The following MTPN variants were observed in gnomAD, a reference collection of about 807,000 sequenced individuals.
MTPN encodes granule cell differentiation protein.
In MTPN, 2 loss-of-function variants were observed where a neutral mutation model predicts 13.5. That is an observed-to-expected ratio of 0.15 (90% CI 0.06 to 0.47). The LOEUF (loss-of-function observed/expected upper bound fraction) is 0.47, where lower values mean the gene tolerates loss of function less well. Among genes scored for constraint, MTPN ranks in the 20% least tolerant of loss-of-function variants. MTPN has a pLI of 0.97. For synonymous variants in MTPN, 46 were observed against 51.7 expected (o/e 0.89, Z 0.48); for missense variants, 79 against 137.9 (o/e 0.57, Z 2.14).
At chr7:135,952,778 A>G (rs1584813002) in intron 1 of MTPN, among the ~76,000 whole-genome samples, 1 of 152,280 alleles carries the variant, frequency 6.6e-6, no homozygotes, top group African/African-American at 2.4e-5. Flanking sequence ...CCTGGGAAAC[A>G]TGGCAAAACC....
At chr7:135,969,091 G>GGA in intron 1 of MTPN, among the ~76,000 whole-genome samples, 1 of 110,266 alleles carries the variant, frequency 9.1e-6, no homozygotes, top group South Asian at 3.5e-4. Flanking sequence ...TGTGGGGTGG[G>GGA]GGGGGGGGAG....
chr7:135,933,705 A>G (rs1799065929), intron 3 of MTPN, among the ~76,000 whole-genome samples: 1 of 152,196 alleles, frequency 6.6e-6, no homozygotes, highest in East Asian at 1.9e-4. Flanking sequence ...AGAAGGTAAC[A>G]CTTACAGTAA....
At position 135,977,358 on chromosome 7, in the gene MTPN, T is replaced by C. The variant is rs1056435123; in HGVS notation, c.-258A>G. ...CGAGGAGAGGCAGGAACCTTTACAC[T>C]TCCGGTTCACTCCCCGCTAGGACCC... On this transcript the variant is annotated 5_prime_UTR_variant, in exon 1 of 4. Transcript: ENST00000393085. 1.5e-5 allele frequency: 8 copies of C among 525,316 alleles called. No homozygotes were observed. The highest frequency in any genetic ancestry group is 2.8e-5 in the Non-Finnish European group (8 of 289,958). The allele number at this position is 525,316 out of a possible 1,614,324, so 32.5% of individuals were successfully genotyped here. A position where few individuals can be genotyped will look rare whatever the true frequency, so the allele number is the denominator to read the frequency against.
chr7:135,966,772 G>A (rs1288571208), intron 1 of MTPN, among the ~76,000 whole-genome samples: 1 of 152,152 alleles, frequency 6.6e-6, no homozygotes, highest in Non-Finnish European at 1.5e-5. Context: ...TTTCCTGTGT[G>A]GGCAAGAGAA....
chr7:135,953,457 A>G (rs1799395035), intron 1 of MTPN, among the ~76,000 whole-genome samples: 2 of 152,170 alleles, frequency 1.3e-5, no homozygotes, highest in African/African-American at 4.8e-5. Flanking sequence ...CTTACTTTCT[A>G]TGTGCAGAGA....
In MTPN at chr7:135,967,964, T is replaced by C. The variant is rs536116246; in HGVS notation, c.72+9065A>G. On this transcript the variant is annotated intron_variant, in intron 1 of 3. Transcript: ENST00000393085. ...TTTAAAGTGTTTACTACCTACAATT[T>C]TTTTGTGGTTGAGATGGAAGTCTTG... Among the ~76,000 whole-genome samples, 11 of 152,238 alleles carry C rather than the reference T, an allele frequency of 7.2e-5. No individual in the cohort carries two copies. The East Asian group carries it at 1.9e-3, about 27-fold the overall frequency.
chr7:135,956,756 T>G (rs983318757), intron 1 of MTPN, among the ~76,000 whole-genome samples: 1 of 152,224 alleles, frequency 6.6e-6, no homozygotes, highest in South Asian at 2.1e-4. Flanking sequence ...CAACCTTTCC[T>G]GTTTTATTGG....
chr7:135,977,005 C>A (rs369597412), intron 1 of MTPN, 24 bp downstream of exon 1: 30 of 1,612,712 alleles, frequency 1.9e-5, no homozygotes, highest in Non-Finnish European at 2.5e-5. Context: ...CGTGTTCTCG[C>A]CTACTCTTCT....
intron 1 of MTPN, among the ~76,000 whole-genome samples, chr7:135,953,079 AT>A (rs1232174247): frequency 6.6e-6 from 1 of 152,090 alleles, no homozygotes; most frequent in Non-Finnish European, 1.5e-5. Context: ...ACTATAAACC[AT>A]TCTTTCAAAC....
intron 3 of MTPN, among the ~76,000 whole-genome samples, chr7:135,945,833 TG>T (rs1390770004): frequency 6.6e-6 from 1 of 152,210 alleles, no homozygotes; most frequent in Non-Finnish European, 1.5e-5. Context: ...GAGGTAGGTT[TG>T]TTTACACCAG....
At chr7:135,957,007 T>C (rs1030246215) in intron 1 of MTPN, among the ~76,000 whole-genome samples, 6 of 152,230 alleles carry the variant, frequency 3.9e-5, no homozygotes, top group Non-Finnish European at 8.8e-5. Flanking sequence ...AGGGTCTCCA[T>C]GTTGCAAATA....
chr7:135,973,892 T>C (rs1562938445), intron 1 of MTPN, among the ~76,000 whole-genome samples: 1 of 152,206 alleles, frequency 6.6e-6, no homozygotes. Context: ...GAAAGATGCC[T>C]AGTAAAAATG....
At chr7:135,941,977 G>A (rs1026394947) in intron 3 of MTPN, among the ~76,000 whole-genome samples, 1 of 150,264 alleles carries the variant, frequency 6.7e-6, no homozygotes, top group Non-Finnish European at 1.5e-5. Flanking sequence ...TCCACCTCCC[G>A]GGTTCAAGCT....
intron 1 of MTPN, among the ~76,000 whole-genome samples, chr7:135,969,902 C>T (rs577900768): frequency 2.9e-4 from 44 of 152,208 alleles, no homozygotes; most frequent in African/African-American, 1.0e-3. Context: ...TTCACCTATC[C>T]AAATGGCAAA....
At chr7:135,959,841 G>GT (rs1006703949) in intron 1 of MTPN, among the ~76,000 whole-genome samples, 5 of 151,058 alleles carry the variant, frequency 3.3e-5, no homozygotes, top group Admixed American at 6.6e-5. Context: ...TGGAACATCT[G>GT]TTTTTTTAAG....
intron 3 of MTPN, among the ~76,000 whole-genome samples, chr7:135,946,399 T>C (rs71539482): frequency 0.012 from 1,776 of 152,324 alleles, 17 homozygotes; most frequent in African/African-American, 0.021. Flanking sequence ...GGAAGCATCA[T>C]CTTACCACTG....
intron 3 of MTPN, among the ~76,000 whole-genome samples, chr7:135,931,873 G>T (rs1394093385): frequency 6.6e-6 from 1 of 151,904 alleles, no homozygotes; most frequent in Admixed American, 6.6e-5. Flanking sequence ...ATATATAGAT[G>T]GGGTATGTGA....
At chr7:135,943,905 G>A (rs1799249237) in intron 3 of MTPN, among the ~76,000 whole-genome samples, 1 of 152,160 alleles carries the variant, frequency 6.6e-6, no homozygotes, top group Non-Finnish European at 1.5e-5. Flanking sequence ...TAAGTATGCT[G>A]TCAGATTATT....
intron 3 of MTPN, among the ~76,000 whole-genome samples, chr7:135,938,535 G>C (rs1355007480): frequency 6.6e-6 from 1 of 152,206 alleles, no homozygotes; most frequent in Admixed American, 6.5e-5. Flanking sequence ...ATGTTGATTT[G>C]AACTGACAGG....
Sources: allele counts gnomAD v4.1 joint callset (sites outside exome capture counted in the v4.1 genomes callset), GRCh38; gene constraint gnomAD v4.1.1; transcripts MANE v1.5; gene names NCBI Gene and HGNC (gene_info 2026-07-23, HGNC 2026-07-21).